Variants in RTTN observed in about 807,000 individuals in gnomAD.
RTTN encodes the protein rotatin.
Under a neutral mutation model 269.2 loss-of-function variants are expected in RTTN, and 182 were observed. The observed-to-expected ratio is 0.68, with a 90% CI of 0.60 to 0.76. RTTN has a LOEUF of 0.76. Ranked by LOEUF, RTTN falls within the 30% of genes least tolerant of loss-of-function variation. RTTN has a pLI of 0.00. For missense variants in RTTN, 2,545 were observed against 2,608.6 expected (o/e 0.98, Z 0.53); for synonymous variants, 1,006 against 963.5 (o/e 1.04, Z -0.82).
intron 30 of RTTN, among the ~76,000 whole-genome samples, chr18:70,089,535 T>C (rs2058787032): frequency 6.6e-6 from 1 of 152,200 alleles, no homozygotes; most frequent in African/African-American, 2.4e-5. Flanking sequence ...GGGATGCTGC[T>C]GAAACAAATG....
intron 8 of RTTN, among the ~76,000 whole-genome samples, chr18:70,192,510 A>G (rs2146107608): frequency 6.6e-6 from 1 of 152,082 alleles, no homozygotes; most frequent in Middle Eastern, 3.4e-3. Flanking sequence ...GTGAGACCCC[A>G]TCTCTACAAA....
chr18:70,065,096 A>G (rs924200595), intron 35 of RTTN, among the ~76,000 whole-genome samples: 21 of 152,170 alleles, frequency 1.4e-4, no homozygotes, highest in African/African-American at 4.8e-4. Context: ...AAATATTGTA[A>G]TGAAAGTTCA....
chr18:70,030,065 C>T lies in RTTN; in HGVS notation c.5692G>A (p.Ala1898Thr). The change falls in exon 42 of 49, where the codon GCA becomes ACA. Residue 1898 changes from alanine (A) to threonine (T), a missense_variant. Physicochemically the swap from Ala to Thr is moderately conservative, Grantham distance 58 (BLOSUM62 0). Transcript: ENST00000640769. Reference protein sequence around the residue: ...NCMEQMKHINAQLNLDSLRPG... With the variant: ...NCMEQMKHINTQLNLDSLRPG... Reference sequence around the variant, plus strand: ...CTCAGAGAATCTAGGTTCAGTTGTGCATTTATGTGTTTCATCTGCTCCATG... The same window carrying T: ...CTCAGAGAATCTAGGTTCAGTTGTGTATTTATGTGTTTCATCTGCTCCATG... The T allele has an allele frequency of 6.2e-7, 1 of 1,612,852 alleles. No homozygotes were observed. The highest frequency in any genetic ancestry group is 8.5e-7 in the Non-Finnish European group (1 of 1,179,606).
intron 28 of RTTN, among the ~76,000 whole-genome samples, chr18:70,104,999 G>A (rs942979774): frequency 3.3e-5 from 5 of 152,126 alleles, no homozygotes; most frequent in South Asian, 2.1e-4. Flanking sequence ...ACTCTGTAAC[G>A]GGAGAACCAG....
intron 48 of RTTN, 107 bp downstream of exon 48, chr18:70,005,091 A>AT: frequency 3.1e-6 from 2 of 653,228 alleles, no homozygotes; most frequent in Non-Finnish European, 5.1e-6. Flanking sequence ...ATATTGGCAC[A>AT]TTTTACAATG....
At chr18:70,193,961 G>A (rs1481589360) in intron 7 of RTTN, among the ~76,000 whole-genome samples, 2 of 152,088 alleles carry the variant, frequency 1.3e-5, no homozygotes, top group Non-Finnish European at 2.9e-5. Flanking sequence ...CTAAAACTTT[G>A]GTACACCAAG....
At chr18:70,031,228 T>C (rs1382746833) in intron 40 of RTTN, 1 of 525,910 alleles carries the variant, frequency 1.9e-6, no homozygotes. Flanking sequence ...AAAAAAGCTT[T>C]ATTTAGCTTT....
At chr18:70,071,571 G>A (rs1330347756) in intron 34 of RTTN, among the ~76,000 whole-genome samples, 1 of 152,116 alleles carries the variant, frequency 6.6e-6, no homozygotes, top group African/African-American at 2.4e-5. Flanking sequence ...TACCCCAGAG[G>A]AGGAGAATAT....
intron 32 of RTTN, among the ~76,000 whole-genome samples, chr18:70,077,782 CCT>C (rs961799229): frequency 2.6e-5 from 4 of 151,726 alleles, no homozygotes; most frequent in Admixed American, 6.6e-5. Context: ...TTCTATTTTT[CCT>C]CTGTTTATAA....
intron 46 of RTTN, among the ~76,000 whole-genome samples, chr18:70,010,310 A>C (rs2056331122): frequency 6.6e-6 from 1 of 152,222 alleles, no homozygotes; most frequent in Non-Finnish European, 1.5e-5. Flanking sequence ...CATCGCACTT[A>C]TTCTAAAACT....
intron 14 of RTTN, among the ~76,000 whole-genome samples, chr18:70,163,134 A>C (rs2060892116): frequency 6.9e-6 from 1 of 143,904 alleles, no homozygotes; most frequent in South Asian, 2.3e-4. Context: ...TTGTAATCCC[A>C]GCACTTTGGG....
intron 37 of RTTN, among the ~76,000 whole-genome samples, chr18:70,056,148 C>T (rs1432363809): frequency 6.6e-6 from 1 of 152,236 alleles, no homozygotes; most frequent in East Asian, 1.9e-4. Flanking sequence ...TGCTCATCTG[C>T]TTTGTTCAAG....
At position 70,196,459 on chromosome 18, in the gene RTTN, A is replaced by G. The variant is rs763231035; in HGVS notation, c.841+42T>C. The G allele has an allele frequency of 1.9e-6, 3 of 1,558,950 alleles. No individual in the cohort carries two copies. The East Asian group carries it at 6.8e-5, about 35-fold the overall frequency. On this transcript the variant is annotated intron_variant, in intron 7 of 48. Transcript: ENST00000640769. ...TAATGGAAGGTTCCCAGAAGAATCT[A>G]CAAATAACACCAGTGGCTAATGAAC...
rs138863698 is a variant in RTTN at position 70,105,174 on chromosome 18, T to C, written c.3903+4324A>G. Among the ~76,000 whole-genome samples, 763 of 152,280 alleles carry C rather than the reference T, an allele frequency of 5.0e-3. 4 individuals are homozygous for C. Among genetic ancestry groups the C allele is most frequent in the African/African-American group, 0.017 (723 of 41,548 alleles). On this transcript the variant is annotated intron_variant, in intron 28 of 48. Coordinates refer to ENST00000640769, the MANE Select transcript of RTTN (RefSeq NM_173630.4). ...GTTCGAGCTTCCCGGCCGCTTTGATTACCTACTCAAGCCTCAGCAATGGCG... is the reference window on the plus strand; with the variant it reads ...GTTCGAGCTTCCCGGCCGCTTTGATCACCTACTCAAGCCTCAGCAATGGCG...
At position 70,100,692 on chromosome 18, in the gene RTTN, A is replaced by C. The variant is rs895278572; in HGVS notation, c.3904-7888T>G. On this transcript the variant is annotated intron_variant, in intron 28 of 48. Coordinates refer to ENST00000640769, the MANE Select transcript of RTTN (RefSeq NM_173630.4). ...GAATGCTTCCAGTTTTTGCCCATTC[A>C]GTATGATATTGGCTGTGGGTCTGTC... is the stretch of plus-strand genomic sequence containing the variant. 1.8e-3 allele frequency among the ~76,000 whole-genome samples: 280 copies of C among 152,292 alleles called. 1 individual carries two copies. The highest frequency in any genetic ancestry group is 7.5e-4 in the Non-Finnish European group (51 of 68,018).
chr18:70,040,140 A>G (rs962014177), intron 40 of RTTN, among the ~76,000 whole-genome samples: 4 of 152,218 alleles, frequency 2.6e-5, no homozygotes, highest in African/African-American at 4.8e-5. Flanking sequence ...TTCAATGTAA[A>G]TGGACTATGG....
At chr18:70,122,789 G>A (rs368669416) in intron 25 of RTTN, among the ~76,000 whole-genome samples, 54 of 152,108 alleles carry the variant, frequency 3.6e-4, no homozygotes, top group African/African-American at 1.1e-3. Flanking sequence ...GGCAAGTGCC[G>A]GATTATGAAA....
intron 32 of RTTN, among the ~76,000 whole-genome samples, chr18:70,084,624 A>C (rs79867146): frequency 2.4e-5 from 3 of 126,656 alleles, no homozygotes. Context: ...AAAAATAACC[A>C]AAAAAAAAAA....
At position 70,135,198 on chromosome 18, in the gene RTTN, C is replaced by T. The variant is rs1013866746; in HGVS notation, c.2871G>A (p.Ser957=). 1.2e-5 allele frequency: 18 copies of T among 1,531,848 alleles called. No individual in the cohort carries two copies. The highest frequency in any genetic ancestry group is 1.7e-4 in the Middle Eastern group (1 of 5,828). The allele number at this position is 1,531,848 out of a possible 1,614,324, so 94.9% of individuals were successfully genotyped here. ...TTATATCTCACCACATATCCATTCTCGATACTTCATCAAATAATAGAAGAC... is the reference window on the plus strand; with the variant it reads ...TTATATCTCACCACATATCCATTCTTGATACTTCATCAAATAATAGAAGAC... ...LFCLLLFDEV[S]RMDMWSVNPS... Residue 957 remains serine (S), a synonymous_variant, in exon 22 of 49, where the codon TCG becomes TCA. Coordinates refer to ENST00000640769, the MANE Select transcript of RTTN (RefSeq NM_173630.4).
Sources: gnomAD v4.1 joint callset for allele counts (sites outside exome capture counted in the v4.1 genomes callset) on GRCh38, gnomAD v4.1.1 for gene constraint, MANE v1.5 for transcripts, NCBI Gene and HGNC (gene_info 2026-07-23, HGNC 2026-07-21) for gene names.